GLI2: variants seen among roughly 807,000 people sequenced by gnomAD.
GLI2 encodes the protein GLI family zinc finger 2, also known as transcription activator GLI2.
A neutral mutation model predicts 78.9 loss-of-function variants in GLI2; 22 were observed. That is an observed-to-expected ratio of 0.28 (90% CI 0.20 to 0.40). The LOEUF is 0.40. Ranked by LOEUF, GLI2 falls within the 10% of genes least tolerant of loss-of-function variation. The probability of loss-of-function intolerance (pLI) is 1.00; values close to 1 mark genes in which losing one functional copy is unlikely to be tolerated. For synonymous variants in GLI2, 974 were observed against 963.7 expected, an observed-to-expected ratio of 1.01 and a Z score of -0.20; for missense variants, 2,097 against 2,213.2, an observed-to-expected ratio of 0.95 and a Z score of 1.05.
chr2:120,881,800 A>G (rs1490567725), intron 2 of GLI2, among the ~76,000 whole-genome samples: 1 of 924 alleles, frequency 1.1e-3, no homozygotes, highest in African/African-American at 4.3e-3. Context: ...GTGGGAGAAG[A>G]CAGTGGGGGA....
intron 2 of GLI2, among the ~76,000 whole-genome samples, chr2:120,912,110 T>A (rs1220547128): frequency 6.6e-6 from 1 of 152,180 alleles, no homozygotes; most frequent in East Asian, 1.9e-4. Context: ...CAGGCCAGGC[T>A]GCTCTTGGGT....
chr2:120,756,323 T>C (rs1683032974), intron 1 of GLI2, among the ~76,000 whole-genome samples: 1 of 152,212 alleles, frequency 6.6e-6, no homozygotes, highest in South Asian at 2.1e-4. Context: ...TTTTATGTTT[T>C]TGATACTGTT....
intron 2 of GLI2, among the ~76,000 whole-genome samples, chr2:120,892,540 C>T (rs62150747): frequency 0.026 from 3,915 of 152,320 alleles, 94 homozygotes; most frequent in Non-Finnish European, 0.041. Context: ...TCATGCTCTG[C>T]CTCTCCTGCC....
At chr2:120,841,612 C>T (rs984099697) in intron 2 of GLI2, among the ~76,000 whole-genome samples, 5 of 152,186 alleles carry the variant, frequency 3.3e-5, no homozygotes, top group African/African-American at 9.7e-5. Context: ...CAGTATTTAC[C>T]GAGGGTCTTC....
At chr2:120,885,674 G>A (rs1382641757) in intron 2 of GLI2, among the ~76,000 whole-genome samples, 1 of 152,220 alleles carries the variant, frequency 6.6e-6, no homozygotes, top group Non-Finnish European at 1.5e-5. Context: ...CTAGCAGGTG[G>A]GCAGAGGGAC....
intron 3 of GLI2, among the ~76,000 whole-genome samples, chr2:120,938,123 G>A (rs895550): frequency 0.79 from 120,421 of 152,046 alleles, 52,363 homozygotes; most frequent in East Asian, 1. Context: ...CCCTGTACTC[G>A]GAGGTCAGTG....
intron 11 of GLI2, among the ~76,000 whole-genome samples, chr2:120,984,003 G>A (rs1682847101): frequency 6.6e-6 from 1 of 151,544 alleles, no homozygotes; most frequent in Non-Finnish European, 1.5e-5. Flanking sequence ...CCAGGACTGA[G>A]GTTCGGAAAT....
chr2:120,870,971 A>T (rs998528831), intron 2 of GLI2, among the ~76,000 whole-genome samples: 1 of 152,234 alleles, frequency 6.6e-6, no homozygotes, highest in Non-Finnish European at 1.5e-5. Flanking sequence ...AACACTCAGG[A>T]TTTTGAACAC....
chr2:120,755,880 T>C (rs1683021864), intron 1 of GLI2, among the ~76,000 whole-genome samples: 1 of 152,230 alleles, frequency 6.6e-6, no homozygotes, highest in African/African-American at 2.4e-5. Context: ...AAAAATCTGC[T>C]TCCCATATAT....
At chr2:120,941,512 G>A (rs943673317) in intron 3 of GLI2, among the ~76,000 whole-genome samples, 2 of 152,164 alleles carry the variant, frequency 1.3e-5, no homozygotes, top group African/African-American at 4.8e-5. Context: ...GCTCTCCAGG[G>A]AGGCCCTGGG....
intron 1 of GLI2, 49 bp from the exon 2 acceptor site, chr2:120,797,242 G>A (rs574837149): frequency 2.1e-4 from 315 of 1,477,264 alleles, no homozygotes; most frequent in Admixed American, 2.8e-4. Context: ...GGCGTTTCCC[G>A]GCTGGGTTTG....
chr2:120,820,874 G>C (rs1488371535), intron 2 of GLI2, among the ~76,000 whole-genome samples: 1 of 152,138 alleles, frequency 6.6e-6, no homozygotes, highest in Admixed American at 6.5e-5. Flanking sequence ...GTGCAGTCTT[G>C]AGTGGCCAGA....
chr2:120,850,420 G>A (rs1423419126), intron 2 of GLI2, among the ~76,000 whole-genome samples: 1 of 152,182 alleles, frequency 6.6e-6, no homozygotes. Context: ...CAGTGAATTT[G>A]CCCTGGGAAA....
chr2:120,768,207 C>T (rs1286960320), intron 1 of GLI2, among the ~76,000 whole-genome samples: 1 of 152,220 alleles, frequency 6.6e-6, no homozygotes, highest in Non-Finnish European at 1.5e-5. Flanking sequence ...GCTGCCAGGC[C>T]CTGTGCTCAG....
At chr2:120,888,460 CT>C (rs946528083) in intron 2 of GLI2, among the ~76,000 whole-genome samples, 14 of 152,168 alleles carry the variant, frequency 9.2e-5, no homozygotes, top group Non-Finnish European at 2.9e-5. Context: ...CTTTTATCTT[CT>C]TAATTTTCAG....
At chr2:120,859,355 C>G (rs1687798689) in intron 2 of GLI2, among the ~76,000 whole-genome samples, 1 of 152,148 alleles carries the variant, frequency 6.6e-6, no homozygotes, top group African/African-American at 2.4e-5. Context: ...TGGCCCCTTC[C>G]CCTCTTGAAG....
intron 10 of GLI2, among the ~76,000 whole-genome samples, chr2:120,981,197 A>G (rs918863174): frequency 6.6e-6 from 1 of 152,204 alleles, no homozygotes; most frequent in African/African-American, 2.4e-5. Flanking sequence ...TAATCTTTGT[A>G]CATGGTATGA....
At chr2:120,911,392 G>A (rs1678810895) in intron 2 of GLI2, among the ~76,000 whole-genome samples, 1 of 152,192 alleles carries the variant, frequency 6.6e-6, no homozygotes, top group African/African-American at 2.4e-5. Context: ...AGGAAGCCCT[G>A]TGCACTGGCT....
At chr2:120,758,817 C>T (rs962488635) in intron 1 of GLI2, among the ~76,000 whole-genome samples, 2 of 151,974 alleles carry the variant, frequency 1.3e-5, no homozygotes, top group African/African-American at 2.4e-5. Flanking sequence ...TGAGGGTCAG[C>T]GGGCCCCAGA....
Sources: allele counts gnomAD v4.1 joint callset (sites outside exome capture counted in the v4.1 genomes callset), GRCh38; gene constraint gnomAD v4.1.1; transcripts MANE v1.5; gene names NCBI Gene and HGNC (gene_info 2026-07-23, HGNC 2026-07-21).